The following FOCAD variants were observed in gnomAD, a reference collection of about 807,000 sequenced individuals.
FOCAD encodes focadhesin.
Under a neutral mutation model 225.6 loss-of-function variants are expected in FOCAD, and 198 were observed. The ratio of observed to expected loss-of-function variants is 0.88; its 90% confidence interval spans 0.78 to 0.99. The LOEUF (loss-of-function observed/expected upper bound fraction) is 0.99. Ranked by LOEUF, FOCAD falls within the 50% of genes least tolerant of loss-of-function variation. FOCAD has a pLI of 0.00. For synonymous variants in FOCAD, 897 were observed against 755.0 expected, an observed-to-expected ratio of 1.19 and a Z score of -3.08; for missense variants, 2,713 against 2,123.6, an observed-to-expected ratio of 1.28 and a Z score of -5.46.
chr9:20,679,574 C>T (rs1343841057), upstream of FOCAD, among the ~76,000 whole-genome samples: 1 of 152,002 alleles, frequency 6.6e-6, no homozygotes, highest in Non-Finnish European at 1.5e-5. Flanking sequence ...TTTTCTTACT[C>T]TCTTTTTTTT....
chr9:20,924,286 A>G (rs1751707455), intron 25 of FOCAD, among the ~76,000 whole-genome samples: 1 of 152,184 alleles, frequency 6.6e-6, no homozygotes, highest in African/African-American at 2.4e-5. Flanking sequence ...GCATGGATTT[A>G]TTCTTGTTTT....
chr9:20,832,394 T>TTTTTTAA (rs1031582060), intron 15 of FOCAD, among the ~76,000 whole-genome samples: 1 of 152,038 alleles, frequency 6.6e-6, no homozygotes, highest in Non-Finnish European at 1.5e-5. Context: ...TTCATTCTTT[T>TTTTTTAA]TTTTTAATTT....
intron 36 of FOCAD, among the ~76,000 whole-genome samples, 166 bp downstream of exon 36, chr9:20,976,714 C>T (rs1840264179): frequency 6.6e-6 from 1 of 152,096 alleles, no homozygotes; most frequent in Non-Finnish European, 1.5e-5. Flanking sequence ...AGTCATTGAG[C>T]CCCTGAGGGT....
chr9:20,717,955 A>G (rs1366404781), intron 3 of FOCAD, 87 bp downstream of exon 3: 2 of 984,096 alleles, frequency 2.0e-6, no homozygotes, highest in Non-Finnish European at 3.1e-6. Context: ...TTTCCCTGAT[A>G]GTTCAGATCA....
In FOCAD at chr9:20,916,906, C is replaced by G. The variant is rs1180645895; in HGVS notation, c.2821C>G (p.Leu941Val). Residue 941 changes from leucine (L) to valine (V), a missense_variant, in exon 24 of 44, where the codon CTG (leucine) becomes GTG (valine). Coordinates refer to ENST00000338382, the MANE Select transcript of FOCAD (RefSeq NM_001375567.1). ...TCTTTATTGCAGGGTTAGAGACATG[C>G]TGACTGATGAGATCACCAAGGCAGC... ...STAWLWVRDM[L>V]TDEITKAAAK... is the part of the protein sequence containing the mutation. 6 of 1,605,912 alleles carry G rather than the reference C, an allele frequency of 3.7e-6. No individual in the cohort carries two copies. The highest frequency in any genetic ancestry group is 5.1e-6 in the Non-Finnish European group (6 of 1,177,174).
chr9:20,975,427 C>T (rs1415911214), intron 35 of FOCAD, among the ~76,000 whole-genome samples: 1 of 152,174 alleles, frequency 6.6e-6, no homozygotes, highest in East Asian at 1.9e-4. Context: ...CTAGAACGGT[C>T]ACCATGGCAC....
chr9:20,785,558 G>C (rs192219618), intron 10 of FOCAD, among the ~76,000 whole-genome samples: 3 of 152,130 alleles, frequency 2.0e-5, no homozygotes, highest in East Asian at 3.9e-4. Flanking sequence ...TTCAAGGTTT[G>C]TCCATGTTGT....
At chr9:20,666,981 C>T (rs1276891766) in intron 2 of FOCAD, among the ~76,000 whole-genome samples, 3 of 152,008 alleles carry the variant, frequency 2.0e-5, no homozygotes, top group Non-Finnish European at 2.9e-5. Flanking sequence ...ACAAAAAAAC[C>T]CACAAAAACT....
chr9:20,748,877 G>T (rs1416796351), intron 5 of FOCAD, among the ~76,000 whole-genome samples: 1 of 152,098 alleles, frequency 6.6e-6, no homozygotes, highest in African/African-American at 2.4e-5. Context: ...CCAGTTAGCA[G>T]TAGCCACCAG....
intron 15 of FOCAD, among the ~76,000 whole-genome samples, chr9:20,833,498 G>A (rs952003748): frequency 2.0e-5 from 3 of 151,972 alleles, no homozygotes; most frequent in Non-Finnish European, 2.9e-5. Flanking sequence ...GGAAGATCTC[G>A]CAGTACCTGG....
At chr9:20,721,513 C>T (rs1366466534) in intron 4 of FOCAD, among the ~76,000 whole-genome samples, 1 of 151,986 alleles carries the variant, frequency 6.6e-6, no homozygotes, top group Non-Finnish European at 1.5e-5. Flanking sequence ...ACCAGCCTGG[C>T]CAACATGATG....
intron 35 of FOCAD, among the ~76,000 whole-genome samples, chr9:20,969,512 T>G (rs942935249): frequency 6.6e-6 from 1 of 152,094 alleles, no homozygotes; most frequent in Non-Finnish European, 1.5e-5. Context: ...TTTGAATTGA[T>G]TCCAACTGAG....
chr9:20,990,604 G>T (rs1301962803), intron 42 of FOCAD, among the ~76,000 whole-genome samples: 1 of 151,450 alleles, frequency 6.6e-6, no homozygotes, highest in Non-Finnish European at 1.5e-5. Context: ...CTGGGAGTGA[G>T]GTGGAGGAAA....
chr9:20,835,870 GC>G (rs1825945646), intron 15 of FOCAD, among the ~76,000 whole-genome samples: 1 of 152,008 alleles, frequency 6.6e-6, no homozygotes, highest in African/African-American at 2.4e-5. Flanking sequence ...TATTTTCAAA[GC>G]CAAGCATTGT....
In FOCAD at chr9:20,885,089, C is replaced by T. The variant is rs757778422; in HGVS notation, c.2504-20C>T. 7.6e-6 allele frequency: 10 copies of T among 1,323,914 alleles called. No individual in the cohort carries two copies. In the South Asian group the frequency reaches 1.6e-4, roughly 21 times the overall value. The allele number at this position is 1,323,914 out of a possible 1,614,324, so 82.0% of individuals were successfully genotyped here. ...AATAAAAATAAAAATAAAATAAAGT[C>T]TATATAATTTTTTTTAAAGGTGGTA... On this transcript the variant is annotated intron_variant, in intron 20 of 43. Transcript: ENST00000338382.
intron 5 of FOCAD, 40 bp downstream of exon 5, chr9:20,740,380 T>A: frequency 8.8e-7 from 1 of 1,136,596 alleles, no homozygotes; most frequent in Non-Finnish European, 1.3e-6. Flanking sequence ...CAAATATGAA[T>A]TTTTAATGAA....
intron 40 of FOCAD, 22 bp downstream of exon 40, chr9:20,986,487 C>A: frequency 6.4e-7 from 1 of 1,568,032 alleles, no homozygotes; most frequent in South Asian, 1.2e-5. Context: ...CTGGGGTGAA[C>A]ATCAGAAACA....
In FOCAD at chr9:20,701,329, C is replaced by G. The variant is rs149605097; in HGVS notation, c.-32-13993C>G. On this transcript the variant is annotated intron_variant, in intron 1 of 43. Transcript: ENST00000338382. ...CTGTTTTTACAAGTGAACTCATGCA[C>G]ACACAAATTTCCCTGTCTCATTGAG... Among the ~76,000 whole-genome samples, 75 of 152,322 alleles carry G rather than the reference C, an allele frequency of 4.9e-4. No homozygotes were observed. The East Asian group carries it at 9.8e-3, about 20-fold the overall frequency.
At chr9:20,671,973 C>T (rs1303673559) in intron 2 of FOCAD, among the ~76,000 whole-genome samples, 2 of 152,048 alleles carry the variant, frequency 1.3e-5, no homozygotes, top group African/African-American at 4.8e-5. Context: ...AAATCAGCAA[C>T]CGTTGTAGTT....
Sources: allele counts gnomAD v4.1 joint callset (sites outside exome capture counted in the v4.1 genomes callset), GRCh38; gene constraint gnomAD v4.1.1; transcripts MANE v1.5; gene names NCBI Gene and HGNC (gene_info 2026-07-23, HGNC 2026-07-21).